ASTN1: variants seen among roughly 807,000 people sequenced by gnomAD.
ASTN1 encodes astrotactin 1.
In ASTN1, 41 loss-of-function variants were observed where a neutral mutation model predicts 140.7. The observed-to-expected ratio is 0.29, with a 90% CI of 0.23 to 0.38. The LOEUF (loss-of-function observed/expected upper bound fraction) is 0.38. Ranked by LOEUF, ASTN1 falls within the 10% of genes least tolerant of loss-of-function variation. The pLI is 1.00. For missense variants in ASTN1, 1,479 were observed against 1,678.8 expected (o/e 0.88, Z 2.08); for synonymous variants, 640 against 652.2 (o/e 0.98, Z 0.29).
At chr1:176,952,736 G>T (rs1174953015) in intron 11 of ASTN1, among the ~76,000 whole-genome samples, 1 of 152,182 alleles carries the variant, frequency 6.6e-6, no homozygotes, top group East Asian at 1.9e-4. Context: ...TTCTCAGAAA[G>T]AAATCCTGCC....
At chr1:176,979,515 C>T (rs1361375603) in intron 8 of ASTN1, among the ~76,000 whole-genome samples, 5 of 152,140 alleles carry the variant, frequency 3.3e-5, no homozygotes, top group Middle Eastern at 3.2e-3. Context: ...TGTCTTTTTA[C>T]CCCCTTGTAT....
chr1:176,888,273 AGAGTGTCAAG>A, intron 17 of ASTN1, 69 bp from the exon 18 acceptor site: 1 of 1,570,186 alleles, frequency 6.4e-7, no homozygotes, highest in Non-Finnish European at 8.7e-7. Context: ...ATCAAGAGGC[AGAGTGTCAAG>A]GATCTGCATG....
intron 8 of ASTN1, among the ~76,000 whole-genome samples, chr1:176,972,236 T>TA (rs1363118704): frequency 5.9e-5 from 9 of 152,188 alleles, no homozygotes; most frequent in African/African-American, 2.2e-4. Flanking sequence ...TGACTGTACT[T>TA]ACATCTGTAA....
chr1:176,988,293 T>C (rs925613016), intron 8 of ASTN1, among the ~76,000 whole-genome samples: 9 of 132,704 alleles, frequency 6.8e-5, no homozygotes, highest in African/African-American at 2.6e-4. Context: ...CAGGAAGAGG[T>C]AGAAATTGCA....
chr1:176,996,630 A>G (rs1674462261), intron 8 of ASTN1, among the ~76,000 whole-genome samples: 1 of 152,228 alleles, frequency 6.6e-6, no homozygotes, highest in Non-Finnish European at 1.5e-5. Flanking sequence ...AGGAGAGAAC[A>G]GCAGACTTAA....
intron 20 of ASTN1, among the ~76,000 whole-genome samples, chr1:176,882,294 CA>C (rs1183428827): frequency 3.3e-5 from 5 of 152,332 alleles, no homozygotes; most frequent in Middle Eastern, 3.4e-3. Flanking sequence ...TGCCTTTCCT[CA>C]AAAATGACTC....
intron 2 of ASTN1, among the ~76,000 whole-genome samples, chr1:177,060,592 C>A (rs1678033782): frequency 1.3e-5 from 2 of 152,190 alleles, no homozygotes; most frequent in South Asian, 2.1e-4. Context: ...CTCACTGCAA[C>A]CTTCACCTCC....
At chr1:177,151,715 C>T (rs1683044921) in intron 1 of ASTN1, among the ~76,000 whole-genome samples, 1 of 152,184 alleles carries the variant, frequency 6.6e-6, no homozygotes, top group Admixed American at 6.6e-5. Flanking sequence ...AAGTTCATCT[C>T]TATGCCACTT....
intron 2 of ASTN1, among the ~76,000 whole-genome samples, chr1:177,056,490 C>A (rs1677812382): frequency 6.6e-6 from 1 of 151,764 alleles, no homozygotes. Flanking sequence ...TTTTTCCCCA[C>A]AACAGTGACT....
intron 8 of ASTN1, among the ~76,000 whole-genome samples, chr1:176,977,561 C>T (rs1673418610): frequency 6.6e-6 from 1 of 152,194 alleles, no homozygotes; most frequent in African/African-American, 2.4e-5. Flanking sequence ...AGTAGAGAAA[C>T]TATGGCATTT....
chr1:176,958,422 T>C lies in ASTN1; in HGVS notation c.1659A>G (p.Pro553=). ...WLPLSKSFVI[P]PAELAINPSA... is the part of the protein sequence containing the mutation. Reference sequence around the variant, plus strand: ...ATGGATTGATGGCCAGTTCGGCTGGTGGAATCACAAAGCTCTTGCTGAGGG... The same window carrying C: ...ATGGATTGATGGCCAGTTCGGCTGGCGGAATCACAAAGCTCTTGCTGAGGG... The change falls in exon 10 of 23, where the codon CCA becomes CCG. Residue 553 remains proline, a synonymous_variant. Coordinates refer to ENST00000361833, the MANE Select transcript of ASTN1 (RefSeq NM_004319.3). The C allele has an allele frequency of 1.9e-6, 3 of 1,614,000 alleles. No individual in the cohort carries two copies. Among genetic ancestry groups the C allele is most frequent in the Non-Finnish European group, 2.5e-6 (3 of 1,179,974 alleles).
chr1:176,938,417 A>C (rs1322716675), intron 14 of ASTN1, among the ~76,000 whole-genome samples: 1 of 152,250 alleles, frequency 6.6e-6, no homozygotes, highest in Non-Finnish European at 1.5e-5. Flanking sequence ...TTTTCAAATT[A>C]TTAGGCAAAG....
chr1:177,134,635 C>T (rs11584935), intron 1 of ASTN1, among the ~76,000 whole-genome samples: 1 of 152,110 alleles, frequency 6.6e-6, no homozygotes, highest in Admixed American at 6.5e-5. Flanking sequence ...CAAAAATCCT[C>T]AAAGAAAAAC....
chr1:177,116,083 A>T (rs1681076390), intron 1 of ASTN1, among the ~76,000 whole-genome samples: 1 of 152,158 alleles, frequency 6.6e-6, no homozygotes, highest in Admixed American at 6.5e-5. Context: ...ATGAAACCCA[A>T]ATTCTAGAAA....
chr1:177,032,714 A>G lies in ASTN1; in HGVS notation c.607T>C (p.Tyr203His). The change falls in exon 3 of 23, where the codon TAC becomes CAC. Residue 203 changes from tyrosine (Y) to histidine (H), a missense_variant. By Grantham distance (83) the Tyr-to-His change is moderately conservative. Around this residue, in one of 3 missense-constraint regions of ASTN1, gnomAD observed 729 missense variants for 860.4 expected, o/e 0.85. Transcript: ENST00000361833. ...CCGCCGATCAGCACAGAAGGAATGT[A>G]GTGAATCTCATTGGCTGCCTCAGCA... is the stretch of plus-strand genomic sequence containing the variant. ...ASAEAANEIH[Y>H]IPSVLIGGHG... The G allele has an allele frequency of 1.2e-6, 2 of 1,614,066 alleles. No homozygotes were observed. Among genetic ancestry groups the G allele is most frequent in the Non-Finnish European group, 1.7e-6 (2 of 1,180,030 alleles).
chr1:176,991,007 T>C (rs116621548), intron 8 of ASTN1, among the ~76,000 whole-genome samples: 1,526 of 152,326 alleles, frequency 0.01, 18 homozygotes, highest in African/African-American at 0.034. Context: ...CATCTCTCCC[T>C]GTAAGCCAAT....
intron 9 of ASTN1, among the ~76,000 whole-genome samples, chr1:176,961,213 T>G (rs1672645186): frequency 6.6e-6 from 1 of 152,076 alleles, no homozygotes; most frequent in Non-Finnish European, 1.5e-5. Flanking sequence ...GAAGCAAAGG[T>G]GAAGATTATC....
chr1:176,988,037 G>A lies in ASTN1; in HGVS notation c.1524-22800C>T, dbSNP rs574162988. Among the ~76,000 whole-genome samples, 32 of 152,296 alleles carry A rather than the reference G, an allele frequency of 2.1e-4. No individual in the cohort carries two copies. In the South Asian group the frequency reaches 5.6e-3, roughly 27 times the overall value. ...CAGGTCAAGAATGATGGGAGTTAGA[G>A]CAGGCATCAGGGTGGGAACAGGTCT... On this transcript the variant is annotated intron_variant, in intron 8 of 22. Transcript: ENST00000361833.
At chr1:177,111,780 T>A (rs971329466) in intron 1 of ASTN1, among the ~76,000 whole-genome samples, 1 of 152,172 alleles carries the variant, frequency 6.6e-6, no homozygotes. Flanking sequence ...TGGGAAGGAC[T>A]CTACAGCAGG....
Sources: gnomAD v4.1 joint callset for allele counts (sites outside exome capture counted in the v4.1 genomes callset) on GRCh38, gnomAD v4.1.1 for gene constraint, gnomAD v4.1.1 regional missense constraint, MANE v1.5 for transcripts, NCBI Gene and HGNC (gene_info 2026-07-23, HGNC 2026-07-21) for gene names.